Variants in USH2A observed in about 807,000 individuals in gnomAD.
USH2A encodes usherin, also known as Usher syndrome 2A (autosomal recessive, mild).
Under a neutral mutation model 538.9 loss-of-function variants are expected in USH2A, and 443 were observed. The ratio of observed to expected loss-of-function variants is 0.82; its 90% CI spans 0.76 to 0.89. USH2A has a LOEUF of 0.89. USH2A is among the 40% of genes least tolerant of loss of function. The probability of loss-of-function intolerance (pLI) is 0.00; values close to 1 mark genes in which losing one functional copy is unlikely to be tolerated. For synonymous variants in USH2A, 2,413 were observed against 2,273.5 expected, an observed-to-expected ratio of 1.06 and a Z score of -1.75; for missense variants, 6,633 against 6,324.8, an observed-to-expected ratio of 1.05 and a Z score of -1.65.
rs74143925 is a variant in USH2A at position 216,058,745 on chromosome 1, G to A, written c.6050-10098C>T. Among the ~76,000 whole-genome samples, 840 of 152,228 alleles carry A rather than the reference G, an allele frequency of 5.5e-3. 5 individuals are homozygous for A. The highest frequency in any genetic ancestry group is 0.019 in the African/African-American group (798 of 41,550). On this transcript the variant is annotated intron_variant, in intron 30 of 71. Coordinates refer to ENST00000307340, the MANE Select transcript of USH2A (RefSeq NM_206933.4). Reference sequence around the variant, plus strand: ...ACTGAGGAGACTTTAGTAAGGACTAGTAGTTCAATACTCAGTCCAACTCAG... The same window carrying A: ...ACTGAGGAGACTTTAGTAAGGACTAATAGTTCAATACTCAGTCCAACTCAG...
At chr1:215,900,314 A>G (rs1009328239) in intron 39 of USH2A, 97 bp from the exon 40 acceptor site, 148 of 1,276,450 alleles carry the variant, frequency 1.2e-4, no homozygotes, top group Non-Finnish European at 1.5e-4. Context: ...GAGGATGTCA[A>G]CATACATTTA....
intron 11 of USH2A, among the ~76,000 whole-genome samples, chr1:216,284,067 ATC>A (rs922512280): frequency 1.3e-5 from 2 of 152,016 alleles, no homozygotes; most frequent in Non-Finnish European, 2.9e-5. Context: ...ATTTCCTTGT[ATC>A]TCTCTCTCTG....
At chr1:215,630,163 T>C (rs750627730) in intron 70 of USH2A, 6 of 509,296 alleles carry the variant, frequency 1.2e-5, no homozygotes, top group Admixed American at 8.0e-5. Flanking sequence ...CAAAAGATCA[T>C]GCATTCATGC....
Position 216,175,493 on chromosome 1 carries a change from G to C in USH2A, c.4397-11C>G. The C allele has an allele frequency of 6.2e-7, 1 of 1,613,108 alleles. No individual in the cohort carries two copies. The highest frequency in any genetic ancestry group is 8.5e-7 in the Non-Finnish European group (1 of 1,179,384). On this transcript the variant is annotated splice_polypyrimidine_tract_variant and intron_variant, in intron 20 of 71. Transcript: ENST00000307340. Reference sequence around the variant, plus strand: ...TCAGTTGTGCTGGTGCTAAATATTAGAAAACACCTGTTATATTCAAGAATT... The same window carrying C: ...TCAGTTGTGCTGGTGCTAAATATTACAAAACACCTGTTATATTCAAGAATT...
At chr1:216,050,513 T>C (rs187795077) in intron 30 of USH2A, among the ~76,000 whole-genome samples, 3 of 151,522 alleles carry the variant, frequency 2.0e-5, no homozygotes, top group Admixed American at 6.6e-5. Context: ...TAGGCTACCA[T>C]TGCAACTCAG....
At chr1:215,992,335 C>A (rs527852348) in intron 35 of USH2A, among the ~76,000 whole-genome samples, 23 of 152,252 alleles carry the variant, frequency 1.5e-4, no homozygotes, top group Non-Finnish European at 1.2e-4. Context: ...GATATTTCCA[C>A]TAAATGAATA....
At chr1:216,076,035 C>G (rs1424151912) in intron 27 of USH2A, among the ~76,000 whole-genome samples, 2 of 152,048 alleles carry the variant, frequency 1.3e-5, no homozygotes, top group Non-Finnish European at 2.9e-5. Context: ...ACATGCTGCA[C>G]CTCTGTATTG....
chr1:215,626,466 A>C (rs1174156941), intron 71 of USH2A, among the ~76,000 whole-genome samples: 2 of 151,996 alleles, frequency 1.3e-5, no homozygotes, highest in African/African-American at 4.8e-5. Flanking sequence ...TAAATGGAAG[A>C]GGCAGAATGC....
chr1:215,846,610 A>G (rs998118863), intron 44 of USH2A, among the ~76,000 whole-genome samples: 1 of 152,194 alleles, frequency 6.6e-6, no homozygotes, highest in Non-Finnish European at 1.5e-5. Context: ...TCATCTTTTT[A>G]ATTTCCTTTA....
intron 50 of USH2A, among the ~76,000 whole-genome samples, chr1:215,796,740 G>C (rs1322479436): frequency 6.6e-6 from 1 of 152,180 alleles, no homozygotes; most frequent in Non-Finnish European, 1.5e-5. Flanking sequence ...GAATGATTAA[G>C]CTTATTGAGG....
chr1:216,002,424 A>G (rs1668286251), intron 32 of USH2A, among the ~76,000 whole-genome samples: 1 of 152,056 alleles, frequency 6.6e-6, no homozygotes, highest in Non-Finnish European at 1.5e-5. Context: ...TGGGGATTTG[A>G]CTCTAAGTCC....
chr1:216,354,462 T>G (rs1312540627), intron 4 of USH2A, among the ~76,000 whole-genome samples: 8 of 152,136 alleles, frequency 5.3e-5, no homozygotes, highest in Admixed American at 4.6e-4. Flanking sequence ...ATACCTATAA[T>G]ATAAATGCTA....
At chr1:215,765,099 T>C (rs879782412) in intron 56 of USH2A, among the ~76,000 whole-genome samples, 1 of 152,170 alleles carries the variant, frequency 6.6e-6, no homozygotes, top group African/African-American at 2.4e-5. Flanking sequence ...AAATTTCATA[T>C]TTCCAATGAA....
intron 9 of USH2A, among the ~76,000 whole-genome samples, chr1:216,308,915 G>A (rs1265671863): frequency 6.6e-6 from 1 of 152,112 alleles, no homozygotes; most frequent in Non-Finnish European, 1.5e-5. Flanking sequence ...CACACCCTCA[G>A]CACAAGTACC....
At chr1:216,211,255 T>C (rs927606385) in intron 15 of USH2A, among the ~76,000 whole-genome samples, 4 of 152,142 alleles carry the variant, frequency 2.6e-5, no homozygotes, top group Admixed American at 2.6e-4. Context: ...GGAGCCCCAA[T>C]TTATAGCCAG....
chr1:216,190,477 C>T (rs907469511), intron 19 of USH2A, 110 bp from the exon 20 acceptor site: 1 of 1,417,440 alleles, frequency 7.1e-7, no homozygotes, highest in South Asian at 1.2e-5. Context: ...GGAATTATTG[C>T]CAACCACCAT....
chr1:215,648,514 G>A lies in USH2A; in HGVS notation c.14582+14C>T. ...GCCTTGTTAGTTTCTTCATCCTTCTGCCTGACCCATTACCTGTGAATGACA... is the reference window on the plus strand; with the variant it reads ...GCCTTGTTAGTTTCTTCATCCTTCTACCTGACCCATTACCTGTGAATGACA... On this transcript the variant is annotated intron_variant, in intron 66 of 71. Transcript: ENST00000307340. 6.2e-7 allele frequency: 1 copy of A among 1,612,228 alleles called. No individual in the cohort carries two copies. The highest frequency in any genetic ancestry group is 1.7e-4 in the Middle Eastern group (1 of 6,058).
rs771422108 is a variant in USH2A, at chr1:215,877,870, G to A, written c.8569C>T (p.Leu2857=). ...PNGPNLRYEL[L]RRKIQQPLAS... is the part of the protein sequence containing the mutation. ...AGTGGCTGCTGGATTTTACGTCTCAGAAGCTCATATCTAAAGCAAAAGACA... is the reference window on the plus strand; with the variant it reads ...AGTGGCTGCTGGATTTTACGTCTCAAAAGCTCATATCTAAAGCAAAAGACA... The change falls in exon 43 of 72, where the codon CTG becomes TTG. Residue 2857 remains leucine, a synonymous_variant. Transcript: ENST00000307340. 2 of 1,613,650 alleles carry A rather than the reference G, an allele frequency of 1.2e-6. No homozygotes were observed. The highest frequency in any genetic ancestry group is 2.2e-5 in the South Asian group (2 of 91,082).
chr1:215,999,200 A>G, intron 33 of USH2A, 142 bp from the exon 34 acceptor site: 1 of 761,964 alleles, frequency 1.3e-6, no homozygotes, highest in South Asian at 1.9e-5. Flanking sequence ...TTAAAATAAA[A>G]CACTGAAGTA....
Sources: gnomAD v4.1 joint callset for allele counts (sites outside exome capture counted in the v4.1 genomes callset) on GRCh38, gnomAD v4.1.1 for gene constraint, MANE v1.5 for transcripts, NCBI Gene and HGNC (gene_info 2026-07-23, HGNC 2026-07-21) for gene names.